The following LHCGR variants were observed in gnomAD, a reference collection of about 807,000 sequenced individuals.
The protein encoded by LHCGR is luteinizing hormone/choriogonadotropin receptor.
In LHCGR, 55 loss-of-function variants were observed where a neutral mutation model predicts 60.7. The ratio of observed to expected loss-of-function variants is 0.91; its 90% confidence interval spans 0.73 to 1.13. The LOEUF is 1.13. Ranked by LOEUF, LHCGR falls within the 50% of genes most tolerant of loss-of-function variation. The probability of loss-of-function intolerance (pLI) is 0.00; values close to 1 mark genes in which losing one functional copy is unlikely to be tolerated. For missense variants in LHCGR, 862 were observed against 836.0 expected (o/e 1.03, Z -0.38); for synonymous variants, 337 against 316.5 (o/e 1.06, Z -0.69).
intron 10 of LHCGR, among the ~76,000 whole-genome samples, chr2:48,689,849 G>A (rs1680126808): frequency 1.3e-5 from 2 of 152,058 alleles, no homozygotes; most frequent in African/African-American, 4.8e-5. Context: ...TGAGTAGCTG[G>A]GACTACAGGC....
intron 1 of LHCGR, among the ~76,000 whole-genome samples, chr2:48,752,996 G>GGGGGGGAGGGGGA (rs1670046210): frequency 1.3e-5 from 1 of 78,290 alleles, no homozygotes; most frequent in Non-Finnish European, 2.5e-5. Flanking sequence ...GGGGGGGGGG[G>GGGGGGGAGGGGGA]TGGGGAAGGG....
chr2:48,751,678 G>A (rs1032148584), intron 1 of LHCGR, among the ~76,000 whole-genome samples: 1 of 152,104 alleles, frequency 6.6e-6, no homozygotes, highest in Non-Finnish European at 1.5e-5. Flanking sequence ...AGACACTCAA[G>A]AAAGGTGTCA....
intron 1 of LHCGR, among the ~76,000 whole-genome samples, chr2:48,743,382 C>G (rs1478337692): frequency 6.6e-6 from 1 of 152,164 alleles, no homozygotes; most frequent in Non-Finnish European, 1.5e-5. Context: ...TGGGCAGAGA[C>G]ACAACCAAAA....
At chr2:48,705,276 C>CT in intron 8 of LHCGR, among the ~76,000 whole-genome samples, 1 of 152,242 alleles carries the variant, frequency 6.6e-6, no homozygotes, top group East Asian at 1.9e-4. Flanking sequence ...GATTTCTGTT[C>CT]TTTTACATTT....
chr2:48,746,795 C>G (rs756756842), intron 1 of LHCGR, among the ~76,000 whole-genome samples: 4 of 152,212 alleles, frequency 2.6e-5, no homozygotes, highest in Admixed American at 2.0e-4. Flanking sequence ...TCTCCTTAAA[C>G]TAGAATTTGT....
intron 7 of LHCGR, among the ~76,000 whole-genome samples, chr2:48,711,448 A>T (rs1667984609): frequency 6.6e-6 from 1 of 152,202 alleles, no homozygotes; most frequent in African/African-American, 2.4e-5. Flanking sequence ...AATGAAATTA[A>T]GTTTGTTCTT....
chr2:48,691,845 C>CAAAA (rs60937994), intron 10 of LHCGR, among the ~76,000 whole-genome samples: 1 of 88,374 alleles, frequency 1.1e-5, no homozygotes, highest in Admixed American at 1.3e-4. Context: ...GATTCTGTCT[C>CAAAA]AAAAAAAAAA....
At chr2:48,723,351 A>T in intron 6 of LHCGR, 105 bp downstream of exon 6, 1 of 803,268 alleles carries the variant, frequency 1.2e-6, no homozygotes, top group Non-Finnish European at 2.2e-6. Context: ...GAATGTCACC[A>T]GTGAGTGAGG....
intron 1 of LHCGR, among the ~76,000 whole-genome samples, chr2:48,739,141 T>A (rs1669324321): frequency 6.6e-6 from 1 of 152,152 alleles, no homozygotes; most frequent in South Asian, 2.1e-4. Flanking sequence ...AGAATGGCGA[T>A]CATTAAAAAG....
intron 1 of LHCGR, among the ~76,000 whole-genome samples, chr2:48,735,799 A>G (rs1669184302): frequency 6.6e-6 from 1 of 152,102 alleles, no homozygotes; most frequent in Admixed American, 6.5e-5. Context: ...GCTCTCCTAG[A>G]ATTATGCTTA....
At chr2:48,726,979 T>A (rs1367610649) in intron 3 of LHCGR, among the ~76,000 whole-genome samples, 3 of 152,234 alleles carry the variant, frequency 2.0e-5, no homozygotes, top group Admixed American at 6.5e-5. Context: ...ACACTACAGT[T>A]ACCCACCACT....
chr2:48,701,824 T>A (rs979904726), intron 8 of LHCGR, among the ~76,000 whole-genome samples: 1 of 152,246 alleles, frequency 6.6e-6, no homozygotes, highest in African/African-American at 2.4e-5. Flanking sequence ...AATAAACGGA[T>A]GAATAAACAA....
intron 4 of LHCGR, among the ~76,000 whole-genome samples, chr2:48,724,614 G>C (rs1668639944): frequency 6.6e-6 from 1 of 152,186 alleles, no homozygotes; most frequent in Non-Finnish European, 1.5e-5. Context: ...CACAGTTTTG[G>C]ATGAAAATAC....
chr2:48,693,232 A>G (rs1481155632), intron 10 of LHCGR, among the ~76,000 whole-genome samples: 1 of 152,222 alleles, frequency 6.6e-6, no homozygotes, highest in Non-Finnish European at 1.5e-5. Context: ...AAGAAGAGAC[A>G]GTAATACTTA....
At chr2:48,739,195 C>T (rs1558886455) in intron 1 of LHCGR, among the ~76,000 whole-genome samples, 1 of 152,204 alleles carries the variant, frequency 6.6e-6, no homozygotes, top group Non-Finnish European at 1.5e-5. Flanking sequence ...GAAATAGGAA[C>T]ACTTTTACAC....
At chr2:48,738,531 C>T (rs148299921) in intron 1 of LHCGR, among the ~76,000 whole-genome samples, 3 of 152,212 alleles carry the variant, frequency 2.0e-5, no homozygotes, top group Admixed American at 2.0e-4. Context: ...TTGCCACCCC[C>T]TCAGCCAACC....
At chr2:48,739,599 G>A (rs1480350912) in intron 1 of LHCGR, among the ~76,000 whole-genome samples, 2 of 151,892 alleles carry the variant, frequency 1.3e-5, no homozygotes, top group African/African-American at 4.8e-5. Context: ...GCTCATAGGT[G>A]GGAATTGAAC....
In LHCGR at chr2:48,698,783, T is replaced by C. The variant is rs1481451612; in HGVS notation, c.698A>G (p.Lys233Arg). Residue 233 changes from lysine (K) to arginine (R), a missense_variant, in exon 9 of 11, where the codon AAA becomes AGA. By Grantham distance (26) the Lys-to-Arg change is conservative. Transcript: ENST00000294954. ...GCCATAGCTCGGCAGGGCCTGCAAT[T>C]TGGTGGAAGAAATATCCCTGAACAA... The part of the protein sequence containing the change: ...GPKTLDISST[K>R]LQALPSYGLE... 6.2e-7 allele frequency: 1 copy of C among 1,613,762 alleles called. No individual in the cohort carries two copies. The highest frequency in any genetic ancestry group is 8.5e-7 in the Non-Finnish European group (1 of 1,179,656).
chr2:48,729,133 G>C lies in LHCGR; in HGVS notation c.308+20C>G, dbSNP rs755892952. On this transcript the variant is annotated intron_variant, in intron 3 of 10. Coordinates refer to ENST00000294954, the MANE Select transcript of LHCGR (RefSeq NM_000233.4). ...GGGTAATAGTGTACAGCAGTAAACT[G>C]TCTGTTAGCTGATGCTTACATTTCA... 2.6e-6 allele frequency: 4 copies of C among 1,566,490 alleles called. No homozygotes were observed.
Sources: allele counts gnomAD v4.1 joint callset (sites outside exome capture counted in the v4.1 genomes callset), GRCh38; gene constraint gnomAD v4.1.1; transcripts MANE v1.5; gene names NCBI Gene and HGNC (gene_info 2026-07-23, HGNC 2026-07-21).